TBC1D4: variants seen among roughly 807,000 people sequenced by gnomAD.
TBC1D4 encodes the protein TBC (Tre-2, BUB2, CDC16) domain-containing protein.
In TBC1D4, 121 loss-of-function variants were observed where a neutral mutation model predicts 142.5. That is an observed-to-expected ratio of 0.85 (90% CI 0.73 to 0.99). The LOEUF is 0.99. TBC1D4 is among the 50% of genes least tolerant of loss of function. The probability of loss-of-function intolerance (pLI) is 0.00; values close to 1 mark genes in which losing one functional copy is unlikely to be tolerated. For synonymous variants in TBC1D4, 630 were observed against 628.2 expected (o/e 1.00, Z -0.04); for missense variants, 1,475 against 1,606.6 (o/e 0.92, Z 1.40).
At chr13:75,431,946 G>T (rs1886606944) in intron 1 of TBC1D4, among the ~76,000 whole-genome samples, 1 of 152,178 alleles carries the variant, frequency 6.6e-6, no homozygotes, top group Non-Finnish European at 1.5e-5. Context: ...GTTAAGAATG[G>T]ACATTTTAGA....
chr13:75,446,269 A>G lies in TBC1D4; in HGVS notation c.498+35001T>C, dbSNP rs185707070. ...AAATTCTTATAGAGTGAACTATTTT[A>G]AATAAAGGAGACGATTCCGTAGCTT... On this transcript the variant is annotated intron_variant, in intron 1 of 20. Transcript: ENST00000377636. Among the ~76,000 whole-genome samples the G allele has an allele frequency of 2.1e-3, 326 of 152,348 alleles. 1 individual carries two copies. Among genetic ancestry groups the G allele is most frequent in the African/African-American group, 7.6e-3 (316 of 41,582 alleles).
At chr13:75,320,569 A>G (rs1054491137) in intron 11 of TBC1D4, among the ~76,000 whole-genome samples, 2 of 152,172 alleles carry the variant, frequency 1.3e-5, no homozygotes, top group East Asian at 3.8e-4. Context: ...CTATCATTTC[A>G]GTTATGTGCA....
intron 5 of TBC1D4, among the ~76,000 whole-genome samples, chr13:75,346,236 T>C (rs1320451840): frequency 8.2e-6 from 1 of 121,290 alleles, no homozygotes; most frequent in Non-Finnish European, 1.9e-5. Flanking sequence ...ATACGTGCCA[T>C]GGTGCACCCA....
At chr13:75,424,837 T>C (rs777137856) in intron 1 of TBC1D4, among the ~76,000 whole-genome samples, 3 of 152,166 alleles carry the variant, frequency 2.0e-5, no homozygotes, top group Non-Finnish European at 4.4e-5. Context: ...TAGACCCTTA[T>C]CTCGCACCAT....
intron 3 of TBC1D4, among the ~76,000 whole-genome samples, chr13:75,357,856 C>T (rs1319204337): frequency 1.3e-5 from 2 of 152,150 alleles, no homozygotes; most frequent in African/African-American, 4.8e-5. Flanking sequence ...GGGCTTTCCA[C>T]AAATCTCCCT....
rs200047472 is a variant in TBC1D4, at chr13:75,296,205, G to GT, written c.3157-1193dup. Among the ~76,000 whole-genome samples, 158 of 150,558 alleles carry GT rather than the reference G, an allele frequency of 1.0e-3. 2 individuals are homozygous for GT. In the East Asian group the frequency reaches 0.024, roughly 23 times the overall value. On this transcript the variant is annotated intron_variant, in intron 17 of 20. Transcript: ENST00000377636. ...AATAAGAAGCTTAGCTGGAGTCAAA[G>GT]TTTTTTTTTAATGAGATTATTATCT...
intron 1 of TBC1D4, among the ~76,000 whole-genome samples, chr13:75,364,361 C>T (rs559578661): frequency 1.3e-5 from 2 of 152,318 alleles, no homozygotes; most frequent in South Asian, 2.1e-4. Context: ...TAAGGAGGGG[C>T]TGTTGTAATT....
At chr13:75,325,612 T>G (rs1450029794) in intron 10 of TBC1D4, among the ~76,000 whole-genome samples, 1 of 152,244 alleles carries the variant, frequency 6.6e-6, no homozygotes, top group Non-Finnish European at 1.5e-5. Context: ...AATTATGTTT[T>G]AAATACTGTG....
intron 1 of TBC1D4, among the ~76,000 whole-genome samples, chr13:75,449,711 G>A (rs1046139858): frequency 2.7e-5 from 4 of 150,864 alleles, no homozygotes; most frequent in African/African-American, 9.8e-5. Context: ...TTAGCCTCCC[G>A]AGTAACTGGG....
At chr13:75,309,161 T>C (rs553903807) in intron 14 of TBC1D4, among the ~76,000 whole-genome samples, 7 of 152,284 alleles carry the variant, frequency 4.6e-5, no homozygotes, top group African/African-American at 1.2e-4. Flanking sequence ...GGTTAAGTGA[T>C]TTTCCCAAAA....
At position 75,481,642 on chromosome 13, in the gene TBC1D4, C is replaced by A. The variant is rs760994414; in HGVS notation, c.126G>T (p.Gly42=). The A allele has an allele frequency of 1.3e-5, 21 of 1,605,154 alleles. 1 individual carries two copies. The highest frequency in any genetic ancestry group is 1.2e-4 in the South Asian group (11 of 90,416). ...TGGTCCTGTGGTCCAGGCACGACCC[C>A]CCAACGTACCACAGCCGGAACCGCT... ...SDKRFRLWYV[G]GSCLDHRTTL... The change falls in exon 1 of 21, where the codon GGG becomes GGT. Residue 42 remains glycine (G), a synonymous_variant. Transcript: ENST00000377636.
At chr13:75,457,993 G>A (rs890794915) in intron 1 of TBC1D4, among the ~76,000 whole-genome samples, 3 of 152,102 alleles carry the variant, frequency 2.0e-5, no homozygotes, top group African/African-American at 7.2e-5. Flanking sequence ...AGCATCTAGG[G>A]GTGTTACAAT....
At chr13:75,428,682 G>A (rs1348542237) in intron 1 of TBC1D4, among the ~76,000 whole-genome samples, 1 of 152,198 alleles carries the variant, frequency 6.6e-6, no homozygotes, top group Non-Finnish European at 1.5e-5. Context: ...CAGTTCCCCG[G>A]ATTAGTTCCT....
At chr13:75,386,775 T>C (rs1209072969) in intron 1 of TBC1D4, among the ~76,000 whole-genome samples, 4 of 152,194 alleles carry the variant, frequency 2.6e-5, no homozygotes, top group African/African-American at 9.7e-5. Flanking sequence ...GAAATTTTAG[T>C]GAACATCTTT....
At chr13:75,328,131 C>CT (rs1214429686) in intron 8 of TBC1D4, among the ~76,000 whole-genome samples, 1 of 152,152 alleles carries the variant, frequency 6.6e-6, no homozygotes, top group Non-Finnish European at 1.5e-5. Context: ...CCAATTAACT[C>CT]TGTCTCAGAT....
At chr13:75,353,024 T>C (rs1207920023) in intron 4 of TBC1D4, among the ~76,000 whole-genome samples, 3 of 152,180 alleles carry the variant, frequency 2.0e-5, no homozygotes, top group Admixed American at 6.5e-5. Context: ...TGCTTACCAA[T>C]AAAATTAAAC....
At chr13:75,314,911 C>T (rs954353496) in intron 12 of TBC1D4, among the ~76,000 whole-genome samples, 11 of 151,990 alleles carry the variant, frequency 7.2e-5, no homozygotes, top group African/African-American at 2.4e-4. Flanking sequence ...ACCCGGGAGG[C>T]AGAGGTTGCA....
intron 1 of TBC1D4, among the ~76,000 whole-genome samples, chr13:75,458,852 G>T (rs78695349): frequency 1.2e-4 from 19 of 152,166 alleles, no homozygotes; most frequent in East Asian, 3.9e-4. Flanking sequence ...TCTCCTGGGG[G>T]CCTATGAAAC....
intron 1 of TBC1D4, among the ~76,000 whole-genome samples, chr13:75,364,424 G>A (rs903212543): frequency 9.9e-5 from 15 of 152,194 alleles, no homozygotes; most frequent in Admixed American, 4.6e-4. Flanking sequence ...AAGAATTTCC[G>A]CTTGCTAGAC....
Sources: gnomAD v4.1 joint callset for allele counts (sites outside exome capture counted in the v4.1 genomes callset) on GRCh38, gnomAD v4.1.1 for gene constraint, MANE v1.5 for transcripts, NCBI Gene and HGNC (gene_info 2026-07-23, HGNC 2026-07-21) for gene names.